The following GLIS3 variants were observed in gnomAD, a reference collection of about 807,000 sequenced individuals.
GLIS3 encodes the protein GLIS family zinc finger 3, also known as zinc finger protein GLIS3.
GLIS3 carries 53 observed loss-of-function variants against 78.6 expected under a neutral mutation model. The ratio of observed to expected loss-of-function variants is 0.67; its 90% confidence interval spans 0.54 to 0.85. GLIS3 has a LOEUF of 0.85. Among genes scored for constraint, GLIS3 ranks in the 40% least tolerant of loss-of-function variants. The probability of loss-of-function intolerance (pLI) is 0.00; values close to 1 mark genes in which losing one functional copy is unlikely to be tolerated. For synonymous variants in GLIS3, 684 were observed against 509.9 expected (o/e 1.34, Z -4.60); for missense variants, 1,703 against 1,231.1 (o/e 1.38, Z -5.74).
chr9:4,478,418 C>G, the GLIS3 span, among the ~76,000 whole-genome samples: 1 of 152,130 alleles, frequency 6.6e-6, no homozygotes, highest in South Asian at 2.1e-4. Context: ...TGAAACCAGT[C>G]TGGCCAACAT....
At chr9:4,354,955 A>C in the GLIS3 span, among the ~76,000 whole-genome samples, 2 of 151,948 alleles carry the variant, frequency 1.3e-5, no homozygotes, top group African/African-American at 4.8e-5. Flanking sequence ...TCTCTACTAA[A>C]AATACCAAAA....
chr9:4,395,352 T>G, the GLIS3 span, among the ~76,000 whole-genome samples: 1 of 152,144 alleles, frequency 6.6e-6, no homozygotes, highest in Non-Finnish European at 1.5e-5. Flanking sequence ...CTGACATGAT[T>G]TTCTTTTTCT....
intron 1 of GLIS3, among the ~76,000 whole-genome samples, chr9:4,288,136 A>T (rs1325745897): frequency 6.6e-6 from 1 of 152,214 alleles, no homozygotes; most frequent in Admixed American, 6.5e-5. Flanking sequence ...ACATTTATGT[A>T]GGAGAACTCC....
chr9:3,929,683 A>C (rs1475829768), intron 6 of GLIS3, among the ~76,000 whole-genome samples: 1 of 152,174 alleles, frequency 6.6e-6, no homozygotes, highest in African/African-American at 2.4e-5. Flanking sequence ...GTGACAGAAA[A>C]GGGTTTTATT....
chr9:3,945,111 A>G (rs1025484460), intron 4 of GLIS3, among the ~76,000 whole-genome samples: 1 of 152,210 alleles, frequency 6.6e-6, no homozygotes, highest in Non-Finnish European at 1.5e-5. Flanking sequence ...CTCAGCACTG[A>G]CACATGGGGG....
At position 3,919,477 on chromosome 9, in the gene GLIS3, C is replaced by G. The variant is rs369079706; in HGVS notation, c.1983+12883G>C. Among the ~76,000 whole-genome samples the G allele has an allele frequency of 7.2e-5, 11 of 151,946 alleles. No individual in the cohort carries two copies. In the South Asian group the frequency reaches 2.3e-3, roughly 32 times the overall value. On this transcript the variant is annotated intron_variant, in intron 6 of 10. Transcript: ENST00000381971. ...ATAGGGGAACAACACACACTGGGGC[C>G]TGTTGGGAGGGTGGAAGATGGGAGG...
chr9:4,125,368 C>A (rs1410011831), intron 3 of GLIS3, among the ~76,000 whole-genome samples: 1 of 152,106 alleles, frequency 6.6e-6, no homozygotes, highest in Non-Finnish European at 1.5e-5. Flanking sequence ...GAAAACCTGG[C>A]AGGTAAGATA....
chr9:4,231,481 T>G (rs1822248028), intron 2 of GLIS3, among the ~76,000 whole-genome samples: 1 of 152,120 alleles, frequency 6.6e-6, no homozygotes, highest in Admixed American at 6.5e-5. Flanking sequence ...GATACAATAT[T>G]TGGAGAGATC....
chr9:4,011,947 T>C (rs1305399933), intron 4 of GLIS3, among the ~76,000 whole-genome samples: 4 of 152,164 alleles, frequency 2.6e-5, no homozygotes, highest in African/African-American at 9.7e-5. Flanking sequence ...AAACGATTAC[T>C]TTTGGCATCA....
chr9:4,282,214 G>A (rs567972032), intron 2 of GLIS3, among the ~76,000 whole-genome samples: 1 of 152,240 alleles, frequency 6.6e-6, no homozygotes, highest in African/African-American at 2.4e-5. Flanking sequence ...TAGCCGCCGT[G>A]TAAACTGTAC....
the GLIS3 span, among the ~76,000 whole-genome samples, chr9:4,412,502 C>T: frequency 6.6e-6 from 1 of 152,140 alleles, no homozygotes; most frequent in Non-Finnish European, 1.5e-5. Context: ...ATCACCCTTG[C>T]ATTTGTATCT....
intron 4 of GLIS3, among the ~76,000 whole-genome samples, chr9:4,059,793 C>G (rs1342482560): frequency 1.2e-5 from 1 of 81,740 alleles, no homozygotes; most frequent in Non-Finnish European, 3.3e-5. Flanking sequence ...TTGTCACTTA[C>G]TCAGCTTTAT....
chr9:4,193,650 T>C (rs920065993), intron 2 of GLIS3, among the ~76,000 whole-genome samples: 4 of 152,214 alleles, frequency 2.6e-5, no homozygotes, highest in Non-Finnish European at 5.9e-5. Flanking sequence ...TCAGAGATAA[T>C]TTCAAGTTGC....
chr9:3,874,815 T>C (rs898054604), intron 8 of GLIS3, among the ~76,000 whole-genome samples: 2 of 152,222 alleles, frequency 1.3e-5, no homozygotes, highest in African/African-American at 4.8e-5. Flanking sequence ...TTTTTTTTCC[T>C]TATATTTACA....
the GLIS3 span, among the ~76,000 whole-genome samples, chr9:4,419,990 C>T: frequency 6.6e-6 from 1 of 152,102 alleles, no homozygotes; most frequent in Non-Finnish European, 1.5e-5. Flanking sequence ...AGGTTGAGCA[C>T]CGTCTACAGG....
chr9:4,396,477 G>A, the GLIS3 span, among the ~76,000 whole-genome samples: 1 of 151,998 alleles, frequency 6.6e-6, no homozygotes, highest in Non-Finnish European at 1.5e-5. Flanking sequence ...TCCTCTAACT[G>A]GACTTCACTA....
chr9:4,372,211 C>G, the GLIS3 span, among the ~76,000 whole-genome samples: 3 of 152,182 alleles, frequency 2.0e-5, no homozygotes, highest in Non-Finnish European at 4.4e-5. Flanking sequence ...GTATGTACCA[C>G]CCGTGCAGTT....
chr9:4,259,934 A>T (rs934816944), intron 2 of GLIS3, among the ~76,000 whole-genome samples: 2 of 152,248 alleles, frequency 1.3e-5, no homozygotes, highest in African/African-American at 4.8e-5. Flanking sequence ...TTAACTGCTG[A>T]GTTATTTTCA....
At chr9:4,178,635 C>CA (rs1817009851) in intron 2 of GLIS3, among the ~76,000 whole-genome samples, 1 of 152,200 alleles carries the variant, frequency 6.6e-6, no homozygotes, top group South Asian at 2.1e-4. Context: ...ATAGCAACCA[C>CA]AGTTTATCAT....
Sources: gnomAD v4.1 joint callset for allele counts (sites outside exome capture counted in the v4.1 genomes callset) on GRCh38, gnomAD v4.1.1 for gene constraint, MANE v1.5 for transcripts, NCBI Gene and HGNC (gene_info 2026-07-23, HGNC 2026-07-21) for gene names.